PCDHGA9: variants seen among roughly 807,000 people sequenced by gnomAD.
PCDHGA9 encodes the protein protocadherin gamma subfamily A, 9.
PCDHGA9 carries 37 observed loss-of-function variants against 62.5 expected under a neutral mutation model. That is an observed-to-expected ratio of 0.59 (90% CI 0.46 to 0.78). PCDHGA9 has a LOEUF of 0.78. Among genes scored for constraint, PCDHGA9 ranks in the 30% least tolerant of loss-of-function variants. The pLI is 0.00. For missense variants in PCDHGA9, 1,138 were observed against 1,166.2 expected (o/e 0.98, Z 0.35); for synonymous variants, 459 against 484.6 (o/e 0.95, Z 0.69).
Position 141,485,156 on chromosome 5 carries a change from A to G in PCDHGA9, c.2425-9651A>G. The G allele has an allele frequency of 6.3e-7, 1 of 1,599,118 alleles. No homozygotes were observed. The highest frequency in any genetic ancestry group is 8.6e-7 in the Non-Finnish European group (1 of 1,168,318). On this transcript the variant is annotated intron_variant, in intron 1 of 3. Transcript: ENST00000573521. The surrounding 1 kb of genome is among the most constrained non-coding windows in gnomAD (Gnocchi z 5.7). ...ATCCGCGTCTCAGGAGCAAGTAGAG[A>G]ATTAGCGGGCGGCAGCAATGCTCCG... is the stretch of plus-strand genomic sequence containing the variant.
chr5:141,406,258 G>C (rs895877034), intron 1 of PCDHGA9, among the ~76,000 whole-genome samples: 13 of 151,882 alleles, frequency 8.6e-5, no homozygotes, highest in South Asian at 2.1e-4. Flanking sequence ...GGTCTCAAAC[G>C]ATCTTCCTGC....
intron 1 of PCDHGA9, chr5:141,418,464 G>A: frequency 3.7e-6 from 6 of 1,614,010 alleles, no homozygotes; most frequent in Non-Finnish European, 5.1e-6. Flanking sequence ...ACTCTGGACC[G>A]AGAAACGCAG....
chr5:141,421,795 GC>G, intron 1 of PCDHGA9: 1 of 1,613,818 alleles, frequency 6.2e-7, no homozygotes, highest in East Asian at 2.2e-5. Context: ...AACGGATGGG[GC>G]CAAGAATCCA....
intron 1 of PCDHGA9, chr5:141,416,276 A>G (rs553989511): frequency 6.6e-6 from 1 of 152,388 alleles, no homozygotes; most frequent in East Asian, 1.9e-4. Context: ...TTTTGCATAC[A>G]ATTCTCTAAT....
chr5:141,445,608 C>T (rs2098472204), intron 1 of PCDHGA9, among the ~76,000 whole-genome samples: 1 of 152,108 alleles, frequency 6.6e-6, no homozygotes, highest in South Asian at 2.1e-4. Context: ...TCAAGGAAGG[C>T]TTTCTTTTTT....
intron 2 of PCDHGA9, among the ~76,000 whole-genome samples, chr5:141,503,994 A>C (rs1330628079): frequency 6.6e-6 from 1 of 152,158 alleles, no homozygotes; most frequent in Non-Finnish European, 1.5e-5. Context: ...CTTACCTTAC[A>C]GTCACTTAAC....
chr5:141,430,904 T>C (rs2097322701), intron 1 of PCDHGA9: 5 of 1,606,730 alleles, frequency 3.1e-6, no homozygotes, highest in Middle Eastern at 1.7e-4. Context: ...GGGCGACATC[T>C]CCAGGGACCT....
rs112808093 is a variant in PCDHGA9, at chr5:141,489,579, C to T, written c.2425-5228C>T. On this transcript the variant is annotated intron_variant, in intron 1 of 3. Transcript: ENST00000573521. The surrounding 1 kb of genome is among the most constrained non-coding windows in gnomAD (Gnocchi z 4.5). ...CAGTGCAGGTGGTGACTGAACACCC[C>T]CTGGAGCTAATCCGTGTAGAGGTAG... is the stretch of plus-strand genomic sequence containing the variant. 211 of 1,614,038 alleles carry T rather than the reference C, an allele frequency of 1.3e-4. 1 individual carries two copies. In the African/African-American group the frequency reaches 1.7e-3, roughly 13 times the overall value.
At position 141,431,280 on chromosome 5, in the gene PCDHGA9, C is replaced by G; in HGVS notation, c.2424+25904C>G. ...TCTCTGCAGAGCTACGAGCTCAGCC[C>G]GAACACTCACTTCTCCCTCATCGTG... On this transcript the variant is annotated intron_variant, in intron 1 of 3. Transcript: ENST00000573521. This position sits in a 1 kb window ranked among gnomAD's most constrained non-coding sequence, Gnocchi z 4.8. The G allele has an allele frequency of 6.2e-7, 1 of 1,614,146 alleles. No homozygotes were observed. The highest frequency in any genetic ancestry group is 8.5e-7 in the Non-Finnish European group (1 of 1,180,040).
chr5:141,418,045 G>C (rs754041387), intron 1 of PCDHGA9: 2 of 1,614,002 alleles, frequency 1.2e-6, no homozygotes, highest in Admixed American at 1.7e-5. Context: ...TGGATGTGTC[G>C]GCTCGCGAGC....
intron 2 of PCDHGA9, among the ~76,000 whole-genome samples, chr5:141,495,193 T>C (rs1471524188): frequency 6.6e-6 from 1 of 152,192 alleles, no homozygotes; most frequent in Admixed American, 6.5e-5. Context: ...TCTATGCCCA[T>C]GTACTGCCTA....
rs775380177 is a variant in PCDHGA9, at chr5:141,422,666, C to T, written c.2424+17290C>T. The T allele has an allele frequency of 3.1e-6, 5 of 1,608,026 alleles. No individual in the cohort carries two copies. In the South Asian group the frequency reaches 3.3e-5, roughly 11 times the overall value. ...ATCTTCTCAGTGACCGCCCTCGACC[C>T]GGACAGCAAACAGAATGCCCTGGTC... On this transcript the variant is annotated intron_variant, in intron 1 of 3. Transcript: ENST00000573521.
Position 141,511,464 on chromosome 5 carries a change from C to G in PCDHGA9, c.*291C>G. 1.9e-6 allele frequency: 1 copy of G among 538,254 alleles called. No individual in the cohort carries two copies. The highest frequency in any genetic ancestry group is 2.1e-5 in the South Asian group (1 of 47,028). The allele number at this position is 538,254 out of a possible 1,614,324, so 33.3% of individuals were successfully genotyped here. On this transcript the variant is annotated 3_prime_UTR_variant, in exon 4 of 4. Transcript: ENST00000573521. ...ACACCAAGAACCATTTGCCACACCC[C>G]GTTTAGTTACAGCTGAACTCCTCCA...
chr5:141,409,282 A>G (rs769745022), intron 1 of PCDHGA9: 1 of 1,613,958 alleles, frequency 6.2e-7, no homozygotes, highest in East Asian at 2.2e-5. Context: ...TGGAGAATTC[A>G]CCTCCAGGAA....
At chr5:141,464,312 C>T (rs2099081610) in intron 1 of PCDHGA9, among the ~76,000 whole-genome samples, 1 of 149,056 alleles carries the variant, frequency 6.7e-6, no homozygotes, top group South Asian at 2.1e-4. Flanking sequence ...GTGCACATAT[C>T]ATTATCTGTT....
Position 141,486,092 on chromosome 5 carries a change from C to G in PCDHGA9, c.2425-8715C>G. ...TACTGGAAAGCTTACTCTTTTGGGG[C>G]CCCTAGACTTTGAGAGTGAGAATTA... On this transcript the variant is annotated intron_variant, in intron 1 of 3. Transcript: ENST00000573521. The surrounding 1 kb of genome is among the most constrained non-coding windows in gnomAD (Gnocchi z 5.0). The G allele has an allele frequency of 6.2e-7, 1 of 1,614,148 alleles. No individual in the cohort carries two copies. Among genetic ancestry groups the G allele is most frequent in the South Asian group, 1.1e-5 (1 of 91,080 alleles).
At chr5:141,427,912 A>G in intron 1 of PCDHGA9, 1 of 1,577,806 alleles carries the variant, frequency 6.3e-7, no homozygotes, top group East Asian at 2.2e-5. Flanking sequence ...CTCAGCGCCA[A>G]CATGAGCCGG....
rs756294828 is a variant in PCDHGA9, at chr5:141,417,904, G to A, written c.2424+12528G>A. 2.5e-6 allele frequency: 4 copies of A among 1,591,934 alleles called. No homozygotes were observed. The South Asian group carries it at 3.4e-5, about 13-fold the overall frequency. On this transcript the variant is annotated intron_variant, in intron 1 of 3. Transcript: ENST00000573521. Reference sequence around the variant, plus strand: ...AGAGGCGCCGGGCCGGCCCGCGGCAGGTACTATTTCCTTTGCTGCTGCCTT... The same window carrying A: ...AGAGGCGCCGGGCCGGCCCGCGGCAAGTACTATTTCCTTTGCTGCTGCCTT...
Position 141,485,575 on chromosome 5 carries a change from G to C in PCDHGA9, c.2425-9232G>C, listed in dbSNP as rs1200831125. On this transcript the variant is annotated intron_variant, in intron 1 of 3. Coordinates refer to ENST00000573521, the MANE Select transcript of PCDHGA9 (RefSeq NM_018921.3). This position sits in a 1 kb window ranked among gnomAD's most constrained non-coding sequence, Gnocchi z 5.7. ...TGAATGATCACGCCCCCCGTTTTCC[G>C]CGGCAGCAGCTGGACTTGGAAATTG... 2 of 1,612,496 alleles carry C rather than the reference G, an allele frequency of 1.2e-6. No homozygotes were observed. The highest frequency in any genetic ancestry group is 2.7e-5 in the African/African-American group (2 of 74,918).
Sources: allele counts gnomAD v4.1 joint callset (sites outside exome capture counted in the v4.1 genomes callset), GRCh38; gene constraint gnomAD v4.1.1; non-coding constraint Gnocchi (gnomAD v3.1); transcripts MANE v1.5; gene names NCBI Gene and HGNC (gene_info 2026-07-23, HGNC 2026-07-21).